BRAT1: variants seen among roughly 807,000 people sequenced by gnomAD.
BRAT1 encodes the protein BRCA1 associated ATM activator 1, also known as integrator complex assembly factor BRAT1.
A neutral mutation model predicts 70.6 loss-of-function variants in BRAT1; 74 were observed. The observed-to-expected ratio is 1.05, with a 90% CI of 0.87 to 1.27. The LOEUF (loss-of-function observed/expected upper bound fraction) is 1.27. Among genes scored for constraint, BRAT1 ranks in the 50% most tolerant of loss-of-function variants. The pLI, the probability that BRAT1 is intolerant of heterozygous loss-of-function variation, is 0.00. For synonymous variants in BRAT1, 615 were observed against 517.1 expected, an observed-to-expected ratio of 1.19 and a Z score of -2.57; for missense variants, 1,203 against 1,098.2, an observed-to-expected ratio of 1.10 and a Z score of -1.35.
Position 2,541,807 on chromosome 7 carries a change from T to C in BRAT1, c.1045A>G (p.Thr349Ala), listed in dbSNP as rs1562574703. 6.2e-7 allele frequency: 1 copy of C among 1,612,816 alleles called. No individual in the cohort carries two copies. The highest frequency in any genetic ancestry group is 8.5e-7 in the Non-Finnish European group (1 of 1,179,892). ...GAGGCCAGGAGTGTGTCCACCGTCG[T>C]GGCATCGTCTGCCGTCCCGTCCAGC... ...GLLDGTADDA[T>A]TVDTLLASKS... The change falls in exon 8 of 14, where the codon ACG becomes GCG. Residue 349 changes from threonine to alanine, a missense_variant. Transcript: ENST00000340611.
intron 2 of BRAT1, among the ~76,000 whole-genome samples, chr7:2,548,696 C>T (rs1427731747): frequency 6.7e-6 from 1 of 149,984 alleles, no homozygotes; most frequent in African/African-American, 2.4e-5. Flanking sequence ...GGCGTGGTGG[C>T]TCACGCCTGT....
intron 11 of BRAT1, 71 bp from the exon 12 acceptor site, chr7:2,539,713 C>T: frequency 1.3e-6 from 2 of 1,551,446 alleles, no homozygotes; most frequent in Non-Finnish European, 1.7e-6. Context: ...CCAGCTGAGC[C>T]ATTCCACCCA....
chr7:2,547,461 G>C lies in BRAT1; in HGVS notation c.145C>G (p.Leu49Val). 1.9e-6 allele frequency: 3 copies of C among 1,614,048 alleles called. No individual in the cohort carries two copies. Among genetic ancestry groups the C allele is most frequent in the Non-Finnish European group, 2.5e-6 (3 of 1,180,022 alleles). ...TCCACCAGGCAGGGGTGCTCCTGCA[G>C]CAGCACGACACTGGACTCTGTGGGG... ...VTEGESSVVL[L>V]QEHPCLVELL... The change falls in exon 3 of 14, where the codon CTG (leucine) becomes GTG (valine). Residue 49 changes from leucine to valine, a missense_variant. By Grantham distance (32) the Leu-to-Val change is conservative (BLOSUM62 1). Transcript: ENST00000340611.
At chr7:2,554,795 G>C (rs943332492) in intron 1 of BRAT1, among the ~76,000 whole-genome samples, 1 of 152,198 alleles carries the variant, frequency 6.6e-6, no homozygotes, top group Non-Finnish European at 1.5e-5. Flanking sequence ...AGAGTCAGGG[G>C]CATCTTTGAG....
Position 2,538,020 on chromosome 7 carries a change from G to A in BRAT1, c.*49C>T. 2.0e-6 allele frequency: 3 copies of A among 1,495,138 alleles called. No homozygotes were observed. The highest frequency in any genetic ancestry group is 2.7e-6 in the Non-Finnish European group (3 of 1,123,072). The allele number at this position is 1,495,138 out of a possible 1,614,324, so 92.6% of individuals were successfully genotyped here. Reference sequence around the variant, plus strand: ...CTGGCAGTGTCCCACAGAAGGACATGGTGCTGCCTCCCTTGGTCCTGAGCC... The same window carrying A: ...CTGGCAGTGTCCCACAGAAGGACATAGTGCTGCCTCCCTTGGTCCTGAGCC... On this transcript the variant is annotated 3_prime_UTR_variant, in exon 14 of 14. Transcript: ENST00000340611.
chr7:2,546,014 A>G (rs1779582971), intron 3 of BRAT1, among the ~76,000 whole-genome samples: 1 of 152,254 alleles, frequency 6.6e-6, no homozygotes. Context: ...CACCAAGAGA[A>G]GCCGTCGTGG....
intron 2 of BRAT1, among the ~76,000 whole-genome samples, chr7:2,552,108 T>TATATATATATATATA (rs1780081117): frequency 7.0e-5 from 1 of 14,292 alleles, no homozygotes; most frequent in African/African-American, 2.7e-4. Flanking sequence ...ATATATATAT[T>TATATATATATATATA]TTTTTTTTTT....
rs544023351 is a variant in BRAT1, at chr7:2,541,478, G to A, written c.1141C>T (p.Arg381Cys). ...GACGCCTGGGGCCACGGTGAAGGGC[G>A]CTGGGGCTGCGAGGAAGAGGGCCGT... is the stretch of plus-strand genomic sequence containing the variant. ...HLEELQPLPQRPSPWPQASLL... is the reference protein window; with the variant it reads ...HLEELQPLPQCPSPWPQASLL... Residue 381 changes from arginine (R) to cysteine (C), a missense_variant, in exon 9 of 14, where the codon CGC (arginine) becomes TGC (cysteine). By Grantham distance (180) the Arg-to-Cys change is radical. Coordinates refer to ENST00000340611, the MANE Select transcript of BRAT1 (RefSeq NM_152743.4). 3.8e-5 allele frequency: 58 copies of A among 1,536,488 alleles called. 1 individual carries two copies. The South Asian group carries it at 6.0e-4, about 16-fold the overall frequency.
At chr7:2,540,872 G>T in intron 10 of BRAT1, 107 bp downstream of exon 10, 1 of 1,169,732 alleles carries the variant, frequency 8.5e-7, no homozygotes, top group Non-Finnish European at 1.1e-6. Flanking sequence ...GTGGCCCTGT[G>T]TGAAGGCCCC....
intron 8 of BRAT1, 44 bp from the exon 9 acceptor site, chr7:2,541,528 CG>C (rs1779164308): frequency 1.3e-6 from 2 of 1,503,720 alleles, no homozygotes; most frequent in Non-Finnish European, 1.8e-6. Flanking sequence ...GTCCCACTGC[CG>C]GCGTGGATGC....
rs1481624181 is a variant in BRAT1 at position 2,539,310 on chromosome 7, G to C, written c.1639C>G (p.Pro547Ala). Residue 547 changes from proline (P) to alanine (A), a missense_variant, in exon 13 of 14, where the codon CCT (proline) becomes GCT (alanine). Transcript: ENST00000340611. ...TGGAGGAGCTGCAGGGCCAGCTGAG[G>C]CACCTCTGAAGCCAAGAGTGCGCAT... ...FRCALLASEV[P>A]QLALQLLQDP... The C allele has an allele frequency of 6.2e-7, 1 of 1,611,828 alleles. No homozygotes were observed. Among genetic ancestry groups the C allele is most frequent in the Non-Finnish European group, 8.5e-7 (1 of 1,179,714 alleles).
Position 2,543,728 on chromosome 7 carries a change from GT to G in BRAT1, c.664del (p.Thr222ProfsTer19). 6.3e-7 allele frequency: 1 copy of G among 1,595,160 alleles called. No homozygotes were observed. The highest frequency in any genetic ancestry group is 8.6e-7 in the Non-Finnish European group (1 of 1,166,484). ...PKVTQALNVLTTTFGRCQSPW... is the reference protein window; with the variant it reads ...PKVTQALNVLXTTFGRCQSPW... ...GCTCTGGCAGCGCCCGAAGGTCGTG[GT>G]CAGGACGTTCAGGGCCTGAGTGACC... On this transcript the variant is annotated frameshift_variant, in exon 5 of 14. Coordinates refer to ENST00000340611, the MANE Select transcript of BRAT1 (RefSeq NM_152743.4). LOFTEE classifies it high-confidence loss of function. This position sits in a 1 kb window ranked among gnomAD's most constrained non-coding sequence, Gnocchi z 5.5.
chr7:2,544,109 G>A (rs941239288), intron 4 of BRAT1, 147 bp from the exon 5 acceptor site: 2 of 594,686 alleles, frequency 3.4e-6, no homozygotes, highest in Non-Finnish European at 5.4e-6. Context: ...AAAAAGAACA[G>A]GAACTGAAGC....
intron 2 of BRAT1, among the ~76,000 whole-genome samples, chr7:2,553,276 C>A (rs551111897): frequency 6.6e-6 from 1 of 152,272 alleles, no homozygotes; most frequent in Admixed American, 6.5e-5. Context: ...AGTGACCTAC[C>A]CGCCTTGGCC....
intron 10 of BRAT1, 151 bp from the exon 11 acceptor site, chr7:2,540,039 T>C (rs888378956): frequency 5.2e-6 from 3 of 581,870 alleles, no homozygotes; most frequent in Middle Eastern, 4.7e-4. Flanking sequence ...GCTTCCTTCT[T>C]TTTTAGAGAC....
chr7:2,541,820 C>T lies in BRAT1; in HGVS notation c.1032G>A (p.Thr344=), dbSNP rs371220513. 47 of 1,612,688 alleles carry T rather than the reference C, an allele frequency of 2.9e-5. No individual in the cohort carries two copies. Among genetic ancestry groups the T allele is most frequent in the African/African-American group, 1.3e-4 (10 of 74,884 alleles). ...APGPPGLLDG[T]ADDATTVDTL... ...TGTCCACCGTCGTGGCATCGTCTGCCGTCCCGTCCAGCAAGCCTGGGGGCC... is the reference window on the plus strand; with the variant it reads ...TGTCCACCGTCGTGGCATCGTCTGCTGTCCCGTCCAGCAAGCCTGGGGGCC... Residue 344 remains threonine (T), a synonymous_variant, in exon 8 of 14, where the codon ACG becomes ACA. Coordinates refer to ENST00000340611, the MANE Select transcript of BRAT1 (RefSeq NM_152743.4).
chr7:2,546,668 G>A (rs1779629260), intron 3 of BRAT1, among the ~76,000 whole-genome samples: 1 of 151,204 alleles, frequency 6.6e-6, no homozygotes, highest in Non-Finnish European at 1.5e-5. Context: ...CTGGGAGGTG[G>A]AGACTGCAGT....
chr7:2,553,179 T>C (rs1261881492), intron 2 of BRAT1, among the ~76,000 whole-genome samples: 2 of 152,084 alleles, frequency 1.3e-5, no homozygotes, highest in African/African-American at 4.8e-5. Flanking sequence ...TTACGGCGCA[T>C]GCCACCATGC....
In BRAT1 at chr7:2,555,498, G is replaced by T. The variant is rs117219938; in HGVS notation, c.-28C>A. The T allele has an allele frequency of 6.6e-6, 1 of 152,248 alleles. No individual in the cohort carries two copies. Among genetic ancestry groups the T allele is most frequent in the Admixed American group, 6.5e-5 (1 of 15,278 alleles). 9.4% of individuals were successfully genotyped at this position (152,248 alleles called of 1,614,324 possible). ...CCCACGCGCCTCACCGCTCGGTTGC[G>T]TCCTCCGCCGCAACCACCCCTCGCC... On this transcript the variant is annotated 5_prime_UTR_variant, in exon 1 of 14. Coordinates refer to ENST00000340611, the MANE Select transcript of BRAT1 (RefSeq NM_152743.4).
Sources: gnomAD v4.1 joint callset for allele counts (sites outside exome capture counted in the v4.1 genomes callset) on GRCh38, gnomAD v4.1.1 for gene constraint, Gnocchi (gnomAD v3.1) non-coding constraint, MANE v1.5 for transcripts, NCBI Gene and HGNC (gene_info 2026-07-23, HGNC 2026-07-21) for gene names.